DAP: variants seen among roughly 807,000 people sequenced by gnomAD.
DAP encodes death associated protein.
A neutral mutation model predicts 13.8 loss-of-function variants in DAP; 8 were observed. The observed-to-expected ratio is 0.58, with a 90% CI of 0.34 to 1.05. DAP has a LOEUF of 1.05. Among genes scored for constraint, DAP ranks in the 50% least tolerant of loss-of-function variants. DAP has a pLI of 0.03. For missense variants in DAP, 106 were observed against 133.2 expected (o/e 0.80, Z 1.01); for synonymous variants, 47 against 47.5 (o/e 0.99, Z 0.04).
intron 1 of DAP, among the ~76,000 whole-genome samples, chr5:10,756,295 TCC>T (rs1740179716): frequency 8.8e-6 from 1 of 113,218 alleles, no homozygotes; most frequent in Admixed American, 8.6e-5. Context: ...CAATTTCTGG[TCC>T]TGACTGGTTG....
chr5:10,726,864 A>G (rs1739299851), intron 2 of DAP, among the ~76,000 whole-genome samples: 1 of 152,212 alleles, frequency 6.6e-6, no homozygotes, highest in Non-Finnish European at 1.5e-5. Flanking sequence ...GCTAAGTGCC[A>G]GTCCCCACAG....
intron 2 of DAP, among the ~76,000 whole-genome samples, chr5:10,736,888 C>T (rs1342972599): frequency 1.3e-5 from 2 of 152,226 alleles, no homozygotes; most frequent in Admixed American, 6.5e-5. Context: ...GCAGTGACAA[C>T]CAGTTACCCC....
At chr5:10,737,421 G>T (rs1739642959) in intron 2 of DAP, among the ~76,000 whole-genome samples, 1 of 151,790 alleles carries the variant, frequency 6.6e-6, no homozygotes, top group South Asian at 2.1e-4. Context: ...CCGGTGCTCA[G>T]CATCCCTGGT....
chr5:10,715,514 G>C (rs1738961851), intron 2 of DAP, among the ~76,000 whole-genome samples: 1 of 152,202 alleles, frequency 6.6e-6, no homozygotes, highest in Admixed American at 6.5e-5. Context: ...GAGAAACGCA[G>C]GCAAACTGGC....
intron 2 of DAP, among the ~76,000 whole-genome samples, chr5:10,715,147 T>C (rs1284693738): frequency 2.0e-5 from 3 of 152,302 alleles, no homozygotes; most frequent in African/African-American, 7.2e-5. Flanking sequence ...GGGAGTTATA[T>C]GGACAGTTGC....
intron 1 of DAP, among the ~76,000 whole-genome samples, chr5:10,759,744 CTTTTTTT>C (rs1169454640): frequency 4.5e-5 from 4 of 88,228 alleles, no homozygotes; most frequent in East Asian, 3.6e-4. Flanking sequence ...TAATGGGAAT[CTTTTTTT>C]TTTTTTTTTT....
intron 1 of DAP, among the ~76,000 whole-genome samples, chr5:10,749,631 A>T (rs1739996476): frequency 6.6e-6 from 1 of 152,206 alleles, no homozygotes; most frequent in Admixed American, 6.5e-5. Context: ...AACAAAATTA[A>T]ATAGGTTTCC....
At chr5:10,756,717 A>C (rs1740192490) in intron 1 of DAP, among the ~76,000 whole-genome samples, 1 of 152,240 alleles carries the variant, frequency 6.6e-6, no homozygotes, top group Non-Finnish European at 1.5e-5. Flanking sequence ...CAGGGCCAGC[A>C]AAATGTATTT....
chr5:10,760,727 C>T (rs551510291), intron 1 of DAP, among the ~76,000 whole-genome samples: 116 of 152,328 alleles, frequency 7.6e-4, no homozygotes, highest in Non-Finnish European at 1.5e-3. Flanking sequence ...ACTGGGTTCG[C>T]CCAAGGCACC....
intron 2 of DAP, among the ~76,000 whole-genome samples, chr5:10,740,814 C>T (rs1739735083): frequency 6.6e-6 from 1 of 152,144 alleles, no homozygotes; most frequent in Admixed American, 6.5e-5. Flanking sequence ...CAGACAGAAA[C>T]CCAGTGGGAA....
intron 2 of DAP, among the ~76,000 whole-genome samples, chr5:10,718,015 G>C (rs1314594170): frequency 1.3e-5 from 2 of 152,170 alleles, no homozygotes; most frequent in Non-Finnish European, 2.9e-5. Flanking sequence ...TGAAGGGGAG[G>C]CTGGGTCCCC....
At chr5:10,739,174 C>G (rs1383751744) in intron 2 of DAP, among the ~76,000 whole-genome samples, 1 of 118,840 alleles carries the variant, frequency 8.4e-6, no homozygotes, top group Non-Finnish European at 1.6e-5. Context: ...TGCATTCCAG[C>G]CTGGGTGACA....
At chr5:10,758,836 G>A (rs868742305) in intron 1 of DAP, among the ~76,000 whole-genome samples, 3 of 152,202 alleles carry the variant, frequency 2.0e-5, no homozygotes, top group African/African-American at 7.2e-5. Flanking sequence ...AAGCCTAGCT[G>A]TTTACTCTGC....
intron 2 of DAP, among the ~76,000 whole-genome samples, chr5:10,700,159 G>C (rs1738539742): frequency 6.6e-6 from 1 of 152,238 alleles, no homozygotes; most frequent in Non-Finnish European, 1.5e-5. Context: ...TAAGACGTCA[G>C]AGGGGAATTG....
intron 1 of DAP, 132 bp from the exon 2 acceptor site, chr5:10,748,403 T>G: frequency 1.4e-6 from 1 of 701,248 alleles, no homozygotes; most frequent in Admixed American, 2.2e-5. Flanking sequence ...TGAAAATGAT[T>G]AACTAGGGAA....
intron 1 of DAP, among the ~76,000 whole-genome samples, chr5:10,755,346 A>C (rs1422104000): frequency 6.6e-6 from 1 of 152,218 alleles, no homozygotes; most frequent in African/African-American, 2.4e-5. Context: ...TAGCCCAGTG[A>C]GACCCATCTT....
Position 10,707,903 on chromosome 5 carries a change from T to C in DAP, c.153-24332A>G, listed in dbSNP as rs1211495957. On this transcript the variant is annotated intron_variant, in intron 2 of 3. Transcript: ENST00000230895. This position sits in a 1 kb window ranked among gnomAD's most constrained non-coding sequence, Gnocchi z 4.0. ...CACATTAATTTGGTGCCTCACCCCA[T>C]GCTGTCGCTACCTCCAAGTGGCTCT... 6.6e-6 allele frequency among the ~76,000 whole-genome samples: 1 copy of C among 152,236 alleles called. No homozygotes were observed. The highest frequency in any genetic ancestry group is 6.5e-5 in the Admixed American group (1 of 15,282).
At chr5:10,739,931 T>C (rs993428872) in intron 2 of DAP, among the ~76,000 whole-genome samples, 5 of 152,208 alleles carry the variant, frequency 3.3e-5, no homozygotes, top group Admixed American at 6.5e-5. Flanking sequence ...CACCAGGTTT[T>C]ACTTTACTTA....
intron 2 of DAP, among the ~76,000 whole-genome samples, chr5:10,690,411 C>CTAT (rs1738278956): frequency 6.6e-6 from 1 of 152,202 alleles, no homozygotes; most frequent in South Asian, 2.1e-4. Flanking sequence ...TCACCTTTAT[C>CTAT]TATTTCCAGA....
Sources: allele counts gnomAD v4.1 joint callset (sites outside exome capture counted in the v4.1 genomes callset), GRCh38; gene constraint gnomAD v4.1.1; non-coding constraint Gnocchi (gnomAD v3.1); transcripts MANE v1.5; gene names NCBI Gene and HGNC (gene_info 2026-07-23, HGNC 2026-07-21).